The following RAB2A variants were observed in gnomAD, a reference collection of about 807,000 sequenced individuals.
RAB2A encodes the protein ras-related protein Rab-2A.
Under a neutral mutation model 32.5 loss-of-function variants are expected in RAB2A, and 7 were observed. The observed-to-expected ratio is 0.22, with a 90% CI of 0.12 to 0.40. The LOEUF is 0.40. RAB2A is among the 10% of genes least tolerant of loss of function. The pLI is 1.00. For missense variants in RAB2A, 108 were observed against 260.7 expected (o/e 0.41, Z 4.03); for synonymous variants, 79 against 85.2 (o/e 0.93, Z 0.40).
chr8:60,596,218 C>T (rs1804019532), intron 6 of RAB2A, among the ~76,000 whole-genome samples: 1 of 152,096 alleles, frequency 6.6e-6, no homozygotes, highest in Non-Finnish European at 1.5e-5. Context: ...TAGACAATAC[C>T]ATTCAGGACA....
intron 1 of RAB2A, among the ~76,000 whole-genome samples, chr8:60,526,647 TG>T (rs1807394277): frequency 6.6e-6 from 1 of 152,150 alleles, no homozygotes. Flanking sequence ...CATAAAGGCC[TG>T]CATTAGTCCA....
chr8:60,518,596 C>CAAAAAA lies in RAB2A; in HGVS notation c.46+1365_46+1370dup, dbSNP rs59503766. 1.8e-3 allele frequency among the ~76,000 whole-genome samples: 83 copies of CAAAAAA among 45,506 alleles called. 8 individuals carry two copies. Among genetic ancestry groups the CAAAAAA allele is most frequent in the African/African-American group, 5.2e-3 (77 of 14,796 alleles). The allele number at this position is 45,506 out of a possible 152,430, so 29.9% of individuals were successfully genotyped here. On this transcript the variant is annotated intron_variant, in intron 1 of 7. Transcript: ENST00000262646. Reference sequence around the variant, plus strand: ...ACTTGAGCCCGGAAGGTGGAGTTTGCAAAAAAAAAAAAAAAAAAAAAAAAA... The same window carrying CAAAAAA: ...ACTTGAGCCCGGAAGGTGGAGTTTGCAAAAAAAAAAAAAAAAAAAAAAAAAAAAAAA...
intron 6 of RAB2A, among the ~76,000 whole-genome samples, chr8:60,616,079 G>A (rs991973176): frequency 3.3e-5 from 5 of 152,058 alleles, no homozygotes; most frequent in Admixed American, 3.3e-4. Context: ...CAGTTGTAAT[G>A]GAGTTAATTG....
In RAB2A at chr8:60,535,062, T is replaced by A. The variant is rs574757521; in HGVS notation, c.46+17809T>A. Among the ~76,000 whole-genome samples, 8 of 152,348 alleles carry A rather than the reference T, an allele frequency of 5.3e-5. No homozygotes were observed. The East Asian group carries it at 1.5e-3, about 29-fold the overall frequency. ...CAGCCGTAGCCATGAATAAATCTTA[T>A]TAAAAAGTACTACTGAGTAGTATTC... On this transcript the variant is annotated intron_variant, in intron 1 of 7. Transcript: ENST00000262646.
At chr8:60,530,073 T>C (rs1807452557) in intron 1 of RAB2A, among the ~76,000 whole-genome samples, 1 of 150,440 alleles carries the variant, frequency 6.6e-6, no homozygotes. Context: ...GCTCAAGGGA[T>C]CCTCCCAGCG....
At chr8:60,546,684 G>T (rs1162157237) in intron 1 of RAB2A, among the ~76,000 whole-genome samples, 1 of 152,064 alleles carries the variant, frequency 6.6e-6, no homozygotes, top group Non-Finnish European at 1.5e-5. Context: ...AGGTTAACTG[G>T]TTTAATTCTC....
At chr8:60,535,910 C>T (rs1057030943) in intron 1 of RAB2A, among the ~76,000 whole-genome samples, 12 of 152,156 alleles carry the variant, frequency 7.9e-5, no homozygotes, top group Admixed American at 1.3e-4. Flanking sequence ...GTCTAGGACA[C>T]CTGTCTCCCT....
chr8:60,587,013 A>T (rs1269567245), intron 5 of RAB2A, among the ~76,000 whole-genome samples: 3 of 152,046 alleles, frequency 2.0e-5, no homozygotes, highest in African/African-American at 4.8e-5. Context: ...GAGGGTAGAT[A>T]TTGACAAGCT....
chr8:60,581,118 C>T lies in RAB2A; in HGVS notation c.187-3090C>T, dbSNP rs144523656. ...CTGAACTCTATATATACTAGTTTTT[C>T]GATCCCATAACAGAGACGGCTGCAG... On this transcript the variant is annotated intron_variant, in intron 3 of 7. Coordinates refer to ENST00000262646, the MANE Select transcript of RAB2A (RefSeq NM_002865.3). Among the ~76,000 whole-genome samples, 1,053 of 152,252 alleles carry T rather than the reference C, an allele frequency of 6.9e-3. 13 individuals are homozygous for T. The highest frequency in any genetic ancestry group is 0.024 in the African/African-American group (1,002 of 41,546).
At chr8:60,571,968 A>T (rs1808202356) in intron 2 of RAB2A, 78 bp from the exon 3 acceptor site, 1 of 1,044,958 alleles carries the variant, frequency 9.6e-7, no homozygotes, top group South Asian at 1.5e-5. Flanking sequence ...TCTTGGAAGT[A>T]AACATTCTGT....
intron 1 of RAB2A, among the ~76,000 whole-genome samples, chr8:60,549,518 A>G (rs953777180): frequency 1.3e-5 from 2 of 150,676 alleles, no homozygotes; most frequent in African/African-American, 2.4e-5. Flanking sequence ...AAAACTACTA[A>G]TGGATAGAAA....
At chr8:60,582,670 A>G (rs536504130) in intron 3 of RAB2A, among the ~76,000 whole-genome samples, 80 of 152,208 alleles carry the variant, frequency 5.3e-4, no homozygotes, top group African/African-American at 1.9e-3. Flanking sequence ...GTGCCACCAC[A>G]CTTGGCTAAT....
intron 3 of RAB2A, among the ~76,000 whole-genome samples, 158 bp downstream of exon 3, chr8:60,572,271 T>G (rs1808207834): frequency 6.6e-6 from 1 of 152,188 alleles, no homozygotes; most frequent in South Asian, 2.1e-4. Flanking sequence ...TAGACTGGTT[T>G]TTCTTATGCA....
intron 6 of RAB2A, among the ~76,000 whole-genome samples, chr8:60,592,857 T>G (rs1253169792): frequency 6.6e-6 from 1 of 152,204 alleles, no homozygotes; most frequent in Non-Finnish European, 1.5e-5. Flanking sequence ...TAGTAGTTTA[T>G]CCAAAGTAAT....
At chr8:60,518,896 C>T (rs1046743629) in intron 1 of RAB2A, among the ~76,000 whole-genome samples, 3 of 152,052 alleles carry the variant, frequency 2.0e-5, no homozygotes, top group Non-Finnish European at 4.4e-5. Flanking sequence ...TGGCATTTGG[C>T]TATCTCATTA....
intron 6 of RAB2A, among the ~76,000 whole-genome samples, chr8:60,614,183 G>T (rs75739813): frequency 8.5e-6 from 1 of 116,998 alleles, no homozygotes; most frequent in Non-Finnish European, 1.9e-5. Flanking sequence ...CTATTTTAAA[G>T]ACCCTGTTAG....
At chr8:60,522,678 A>G (rs1259861617) in intron 1 of RAB2A, among the ~76,000 whole-genome samples, 1 of 152,158 alleles carries the variant, frequency 6.6e-6, no homozygotes, top group South Asian at 2.1e-4. Context: ...TGAGGTTGAA[A>G]GGTTAAATAC....
At chr8:60,553,298 A>G (rs1395964259) in intron 1 of RAB2A, among the ~76,000 whole-genome samples, 1 of 152,198 alleles carries the variant, frequency 6.6e-6, no homozygotes, top group African/African-American at 2.4e-5. Context: ...GTTGCTGTCC[A>G]CAGGTGGAAT....
chr8:60,536,772 A>G (rs75472861), intron 1 of RAB2A, among the ~76,000 whole-genome samples: 1 of 152,326 alleles, frequency 6.6e-6, no homozygotes, highest in African/African-American at 2.4e-5. Context: ...TTGGTTAGCA[A>G]ATGTATTGAT....
Sources: gnomAD v4.1 joint callset for allele counts (sites outside exome capture counted in the v4.1 genomes callset) on GRCh38, gnomAD v4.1.1 for gene constraint, MANE v1.5 for transcripts, NCBI Gene and HGNC (gene_info 2026-07-23, HGNC 2026-07-21) for gene names.